DCC: variants seen among roughly 807,000 people sequenced by gnomAD.
DCC encodes netrin receptor DCC.
Under a neutral mutation model 172.5 loss-of-function variants are expected in DCC, and 58 were observed. That is an observed-to-expected ratio of 0.34 (90% CI 0.27 to 0.42). The LOEUF (loss-of-function observed/expected upper bound fraction) is 0.42. DCC is among the 10% of genes least tolerant of loss of function. The probability of loss-of-function intolerance (pLI) is 1.00; values close to 1 mark genes in which losing one functional copy is unlikely to be tolerated. For missense variants in DCC, 1,740 were observed against 1,791.0 expected, an observed-to-expected ratio of 0.97 and a Z score of 0.51; for synonymous variants, 709 against 644.5, an observed-to-expected ratio of 1.10 and a Z score of -1.52.
intron 1 of DCC, among the ~76,000 whole-genome samples, chr18:52,748,812 G>A (rs1193092245): frequency 6.6e-6 from 1 of 152,244 alleles, no homozygotes; most frequent in Admixed American, 6.5e-5. Flanking sequence ...TAGTCCCCAG[G>A]TGTGGCTGAG....
chr18:52,513,097 G>T (rs192107744), intron 1 of DCC, among the ~76,000 whole-genome samples: 1 of 152,294 alleles, frequency 6.6e-6, no homozygotes, highest in East Asian at 1.9e-4. Context: ...GGTGGAACAA[G>T]ATGGGGGCAG....
chr18:52,466,990 C>T (rs1378139712), intron 1 of DCC, among the ~76,000 whole-genome samples: 1 of 151,712 alleles, frequency 6.6e-6, no homozygotes, highest in Non-Finnish European at 1.5e-5. Context: ...GAGTTTGAGC[C>T]CATGTTCCAA....
intron 13 of DCC, among the ~76,000 whole-genome samples, chr18:53,321,457 A>G (rs2057410496): frequency 6.6e-6 from 1 of 152,182 alleles, no homozygotes; most frequent in African/African-American, 2.4e-5. Flanking sequence ...TTTTGAAATA[A>G]GCCCTAATGT....
At chr18:52,898,983 T>G (rs1006703911) in intron 2 of DCC, among the ~76,000 whole-genome samples, 9 of 152,198 alleles carry the variant, frequency 5.9e-5, no homozygotes, top group Non-Finnish European at 1.3e-4. Context: ...GATTTACAAT[T>G]GAACTGTTTG....
At chr18:53,214,467 G>A (rs1226862352) in intron 11 of DCC, among the ~76,000 whole-genome samples, 1 of 152,060 alleles carries the variant, frequency 6.6e-6, no homozygotes, top group African/African-American at 2.4e-5. Flanking sequence ...TCAGAGTATG[G>A]CATAAATAAA....
intron 7 of DCC, among the ~76,000 whole-genome samples, chr18:53,154,928 C>G (rs967312335): frequency 6.6e-6 from 1 of 152,104 alleles, no homozygotes; most frequent in Non-Finnish European, 1.5e-5. Flanking sequence ...ACGCCATCCC[C>G]AGGCATCAAT....
chr18:53,106,227 A>G (rs1275110681), intron 7 of DCC, among the ~76,000 whole-genome samples: 2 of 151,840 alleles, frequency 1.3e-5, no homozygotes, highest in Non-Finnish European at 2.9e-5. Context: ...CCTAACCTAG[A>G]TTCTTAGCTA....
intron 1 of DCC, among the ~76,000 whole-genome samples, chr18:52,577,451 A>T (rs2033440810): frequency 6.6e-6 from 1 of 152,212 alleles, no homozygotes; most frequent in Admixed American, 6.5e-5. Context: ...GCCACTTGAG[A>T]GTTTCTGTGC....
At chr18:53,411,253 T>A (rs189327596) in intron 20 of DCC, among the ~76,000 whole-genome samples, 7 of 152,288 alleles carry the variant, frequency 4.6e-5, no homozygotes, top group Admixed American at 4.6e-4. Context: ...AGCACAGTAT[T>A]ATTTTTCTGG....
chr18:53,448,200 G>A lies in DCC; in HGVS notation c.3230-2300G>A, dbSNP rs188268244. Among the ~76,000 whole-genome samples, 176 of 152,190 alleles carry A rather than the reference G, an allele frequency of 1.2e-3. 1 individual carries two copies. The highest frequency in any genetic ancestry group is 1.9e-3 in the East Asian group (10 of 5,174). The stretch of plus-strand genomic sequence containing the variant: ...TCACAATGAGTATTTGTATTAATAC[G>A]TTCTTACAATGCTAATAAAGACATA... On this transcript the variant is annotated intron_variant, in intron 22 of 28. Transcript: ENST00000442544.
At chr18:53,059,760 C>T (rs762836097) in intron 5 of DCC, among the ~76,000 whole-genome samples, 14 of 151,864 alleles carry the variant, frequency 9.2e-5, no homozygotes, top group Non-Finnish European at 1.6e-4. Flanking sequence ...TGGCATTATC[C>T]GAACTTCTTC....
intron 7 of DCC, among the ~76,000 whole-genome samples, chr18:53,104,164 A>G (rs1014272656): frequency 6.6e-5 from 10 of 152,120 alleles, no homozygotes; most frequent in Non-Finnish European, 1.3e-4. Flanking sequence ...TGGCTCTTGC[A>G]TTCTATAACA....
chr18:53,187,993 G>C (rs1428458558), intron 9 of DCC, among the ~76,000 whole-genome samples: 1 of 152,212 alleles, frequency 6.6e-6, no homozygotes, highest in Non-Finnish European at 1.5e-5. Flanking sequence ...TCAATTGAAA[G>C]TCAAGCAATG....
chr18:52,999,671 A>T (rs1192516036), intron 5 of DCC, among the ~76,000 whole-genome samples: 1 of 152,130 alleles, frequency 6.6e-6, no homozygotes, highest in Non-Finnish European at 1.5e-5. Flanking sequence ...CAAAACCGTA[A>T]GAGAAATGAT....
intron 5 of DCC, among the ~76,000 whole-genome samples, chr18:53,000,086 A>C (rs1249576763): frequency 4.6e-5 from 7 of 152,080 alleles, no homozygotes; most frequent in African/African-American, 1.7e-4. Flanking sequence ...CAGAGCAAGT[A>C]TAGCCCTGCT....
chr18:53,354,418 G>A (rs1307022289), intron 15 of DCC, among the ~76,000 whole-genome samples: 3 of 152,096 alleles, frequency 2.0e-5, no homozygotes, highest in Admixed American at 6.5e-5. Context: ...ATCCTCTCCA[G>A]CATCTGTTGT....
intron 2 of DCC, among the ~76,000 whole-genome samples, chr18:52,797,701 A>G (rs78008726): frequency 0.043 from 6,550 of 152,210 alleles, 222 homozygotes; most frequent in South Asian, 0.16. Flanking sequence ...CAGCAGTGGT[A>G]GGTAGGTTGA....
intron 2 of DCC, among the ~76,000 whole-genome samples, chr18:52,877,337 A>G (rs139120544): frequency 1.0e-3 from 159 of 152,258 alleles, no homozygotes; most frequent in Non-Finnish European, 1.7e-3. Context: ...AAGCAGCCCC[A>G]GTTTCGAACT....
At chr18:52,859,155 ATT>A (rs1466405774) in intron 2 of DCC, among the ~76,000 whole-genome samples, 1 of 152,096 alleles carries the variant, frequency 6.6e-6, no homozygotes, top group East Asian at 1.9e-4. Flanking sequence ...TAAAATTATA[ATT>A]TAAAATAATG....
Sources: allele counts gnomAD v4.1 joint callset (sites outside exome capture counted in the v4.1 genomes callset), GRCh38; gene constraint gnomAD v4.1.1; transcripts MANE v1.5; gene names NCBI Gene and HGNC (gene_info 2026-07-23, HGNC 2026-07-21).